ALOX15: variants seen among roughly 807,000 people sequenced by gnomAD.
ALOX15 encodes the protein polyunsaturated fatty acid lipoxygenase ALOX15.
In ALOX15, 68 loss-of-function variants were observed where a neutral mutation model predicts 71.7. The observed-to-expected ratio is 0.95, with a 90% CI of 0.78 to 1.16. The LOEUF (loss-of-function observed/expected upper bound fraction) is 1.16. Ranked by LOEUF, ALOX15 falls within the 50% of genes most tolerant of loss-of-function variation. The pLI, the probability that ALOX15 is intolerant of heterozygous loss-of-function variation, is 0.00. For missense variants in ALOX15, 798 were observed against 818.8 expected (o/e 0.97, Z 0.31); for synonymous variants, 346 against 333.3 (o/e 1.04, Z -0.42).
At chr17:4,635,078 C>A (rs1179275443) in intron 8 of ALOX15, among the ~76,000 whole-genome samples, 1 of 151,946 alleles carries the variant, frequency 6.6e-6, no homozygotes, top group African/African-American at 2.4e-5. Context: ...CCCTCCAGAG[C>A]CTGGTCTCCT....
intron 8 of ALOX15, among the ~76,000 whole-genome samples, chr17:4,633,820 T>A (rs1024180502): frequency 6.6e-6 from 1 of 152,172 alleles, no homozygotes; most frequent in Non-Finnish European, 1.5e-5. Context: ...GAAAATGTGG[T>A]AGACATATGC....
At chr17:4,639,245 T>C (rs1376816569) in intron 2 of ALOX15, 113 bp from the exon 3 acceptor site, 8 of 1,432,362 alleles carry the variant, frequency 5.6e-6, no homozygotes, top group Non-Finnish European at 7.8e-6. Context: ...CCCTTCAGCA[T>C]CACGCCCCTC....
chr17:4,635,183 C>A (rs1027027628), intron 8 of ALOX15, among the ~76,000 whole-genome samples: 2 of 151,872 alleles, frequency 1.3e-5, no homozygotes, highest in Non-Finnish European at 1.5e-5. Flanking sequence ...GTAATCCCAG[C>A]ACTTTGGGAG....
intron 6 of ALOX15, among the ~76,000 whole-genome samples, chr17:4,637,677 C>T (rs916161279): frequency 1.3e-5 from 2 of 152,178 alleles, no homozygotes; most frequent in Non-Finnish European, 2.9e-5. Context: ...TCCCAAAGTG[C>T]TGGGATTACA....
At chr17:4,636,691 T>C (rs2150536686) in intron 7 of ALOX15, among the ~76,000 whole-genome samples, 1 of 152,234 alleles carries the variant, frequency 6.6e-6, no homozygotes, top group Non-Finnish European at 1.5e-5. Context: ...GCTTCCCACC[T>C]CATACTCCTT....
intron 4 of ALOX15, 34 bp from the exon 5 acceptor site, chr17:4,638,718 T>C: frequency 6.2e-7 from 1 of 1,613,372 alleles, no homozygotes; most frequent in Non-Finnish European, 8.5e-7. Context: ...GGTTTGAGCA[T>C]CATTCTGAGG....
rs759860904 is a variant in ALOX15 at position 4,639,435 on chromosome 17, C to T, written c.332G>A (p.Gly111Asp). The T allele has an allele frequency of 2.5e-6, 4 of 1,613,504 alleles. No individual in the cohort carries two copies. The highest frequency in any genetic ancestry group is 2.5e-6 in the Non-Finnish European group (3 of 1,179,924). Residue 111 changes from glycine (G) to aspartate (D), a missense_variant, in exon 2 of 14, where the codon GGC becomes GAC. Gly to Asp is a moderately conservative substitution (Grantham distance 94, BLOSUM62 -1). Around this residue, in one of 3 missense-constraint regions of ALOX15, gnomAD observed 300 missense variants for 283.1 expected, o/e 1.06. Transcript: ENST00000293761. Reference sequence around the variant, plus strand: ...ACCCTCAGCCCCGCGCTTACCGGTGCCTTCAGGCAGGCTCAGGACGCCGTT... The same window carrying T: ...ACCCTCAGCCCCGCGCTTACCGGTGTCTTCAGGCAGGCTCAGGACGCCGTT... ...EGNGVLSLPE[G>D]TGRTVGEDPQ...
rs552591899 is a variant in ALOX15, at chr17:4,632,202, G to C, written c.1620C>G (p.His540Gln). The change falls in exon 12 of 14, where the codon CAC (histidine) becomes CAG (glutamine). Residue 540 changes from histidine to glutamine, a missense_variant. Physicochemically the swap from His to Gln is conservative, Grantham distance 24. Transcript: ENST00000293761. ...TMCIFTCTGQ[H>Q]ASVHLGQLDW... Reference sequence around the variant, plus strand: ...GTACCTGGCCCAGGTGCACAGAGGCGTGTTGGCCGGTGCAGGTGAAGATAC... The same window carrying C: ...GTACCTGGCCCAGGTGCACAGAGGCCTGTTGGCCGGTGCAGGTGAAGATAC... 1.2e-6 allele frequency: 2 copies of C among 1,614,212 alleles called. No individual in the cohort carries two copies. The highest frequency in any genetic ancestry group is 1.7e-6 in the Non-Finnish European group (2 of 1,180,050).
chr17:4,633,566 G>C, intron 8 of ALOX15, 66 bp from the exon 9 acceptor site: 2 of 1,395,666 alleles, frequency 1.4e-6, no homozygotes, highest in Non-Finnish European at 2.0e-6. Flanking sequence ...CAGGAAACAA[G>C]GGCTGACAGC....
intron 11 of ALOX15, 143 bp from the exon 12 acceptor site, chr17:4,632,424 G>T: frequency 1.4e-6 from 1 of 731,054 alleles, no homozygotes; most frequent in South Asian, 1.7e-5. Flanking sequence ...ATGACAGCAG[G>T]TTGGGGTGGG....
Position 4,638,958 on chromosome 17 carries a change from T to G in ALOX15, c.434A>C (p.Lys145Thr). Residue 145 changes from lysine to threonine, a missense_variant, in exon 4 of 14, where the codon AAG (lysine) becomes ACG (threonine). Around this residue, in one of 3 missense-constraint regions of ALOX15, gnomAD observed 300 missense variants for 283.1 expected, o/e 1.06. Transcript: ENST00000293761. The part of the protein sequence containing the change: ...RRKLYRWGNW[K>T]DGLILNMAGA... ...AGCCATATTCAGAATTAACCCGTCC[T>G]TCCAGTTTCCCCACCTGTGGGGCAG... The G allele has an allele frequency of 6.2e-7, 1 of 1,614,260 alleles. No individual in the cohort carries two copies. Among genetic ancestry groups the G allele is most frequent in the Non-Finnish European group, 8.5e-7 (1 of 1,180,050 alleles).
intron 1 of ALOX15, among the ~76,000 whole-genome samples, chr17:4,640,594 C>T (rs988371348): frequency 5.9e-5 from 8 of 134,740 alleles, no homozygotes; most frequent in Non-Finnish European, 1.2e-4. Flanking sequence ...CCCGTCCCCT[C>T]ACCATGGAGT....
chr17:4,632,717 T>G, intron 11 of ALOX15, 144 bp downstream of exon 11: 1 of 1,325,252 alleles, frequency 7.5e-7, no homozygotes, highest in South Asian at 1.4e-5. Flanking sequence ...TGTCTCTAGG[T>G]GACAGGGAGT....
In ALOX15 at chr17:4,638,866, C is replaced by T. The variant is rs769786656; in HGVS notation, c.526G>A (p.Val176Ile). 1.9e-6 allele frequency: 3 copies of T among 1,614,254 alleles called. No homozygotes were observed. Among genetic ancestry groups the T allele is most frequent in the Non-Finnish European group, 2.5e-6 (3 of 1,180,044 alleles). Residue 176 changes from valine (V) to isoleucine (I), a missense_variant, in exon 4 of 14, where the codon GTT becomes ATT. This residue lies in a region of ALOX15 where 300 missense variants were observed against 283.1 expected (regional missense o/e 1.06). Transcript: ENST00000293761. The part of the protein sequence containing the change: ...FLEDKRVDFE[V>I]SLAKGLADLA... ...TGCTCTCACCCCTTGGCCAGCGAAA[C>T]CTCAAAGTCAACTCTCTTGTCTTCC...
chr17:4,640,437 T>A (rs1490336708), intron 1 of ALOX15, among the ~76,000 whole-genome samples: 1 of 145,832 alleles, frequency 6.9e-6, no homozygotes, highest in African/African-American at 2.7e-5. Flanking sequence ...CAGAGCTGTG[T>A]GGAATGAGGG....
In ALOX15 at chr17:4,632,863, C is replaced by A; in HGVS notation, c.1538G>T (p.Arg513Leu). Residue 513 changes from arginine to leucine, a missense_variant and splice_region_variant, in exon 11 of 14, where the codon CGA becomes CTA. By Grantham distance (102) the Arg-to-Leu change is moderately radical (BLOSUM62 -2). This residue lies in a region of ALOX15 where 490 missense variants were observed against 509.4 expected (regional missense o/e 0.96). Coordinates refer to ENST00000293761, the MANE Select transcript of ALOX15 (RefSeq NM_001140.5). ...TEIGLQGAQDRGFPVSLQARD... is the reference protein window; with the variant it reads ...TEIGLQGAQDLGFPVSLQARD... ...CTCAGGGCAGGGGCTCCTCTTACCT[C>A]GGTCCTGGGCCCCTTGCAGCCCGAT... The A allele has an allele frequency of 6.2e-7, 1 of 1,614,104 alleles. No homozygotes were observed.
chr17:4,639,634 G>C lies in ALOX15; in HGVS notation c.136-3C>G. 2 of 1,608,080 alleles carry C rather than the reference G, an allele frequency of 1.2e-6. No individual in the cohort carries two copies. Among genetic ancestry groups the C allele is most frequent in the South Asian group, 2.2e-5 (2 of 90,428 alleles). The stretch of plus-strand genomic sequence containing the variant: ...ACTTCCACCTTGAGTTCTGTCTCCT[G>C]CGGGCGACAGAAGAGGCTCAGCCCC... On this transcript the variant is annotated splice_region_variant and splice_polypyrimidine_tract_variant and intron_variant, in intron 1 of 13. Coordinates refer to ENST00000293761, the MANE Select transcript of ALOX15 (RefSeq NM_001140.5).
intron 8 of ALOX15, among the ~76,000 whole-genome samples, chr17:4,635,307 G>A (rs987794093): frequency 2.0e-5 from 3 of 150,634 alleles, no homozygotes; most frequent in Admixed American, 1.3e-4. Context: ...GGTGGTGCGC[G>A]ACTGTAATCC....
Position 4,631,384 on chromosome 17 carries a change from T to C in ALOX15, c.*216A>G. ...AGAGGAAGAGAGAGAGGAAGGAAGA[T>C]AGGAAAGGAGGAAGGAAGGAAAGAG... On this transcript the variant is annotated 3_prime_UTR_variant, in exon 14 of 14. Coordinates refer to ENST00000293761, the MANE Select transcript of ALOX15 (RefSeq NM_001140.5). 3.5e-6 allele frequency: 2 copies of C among 566,880 alleles called. No individual in the cohort carries two copies. The highest frequency in any genetic ancestry group is 6.2e-6 in the Non-Finnish European group (2 of 323,420). 35.1% of individuals were successfully genotyped at this position (566,880 alleles called of 1,614,324 possible). A position where few individuals can be genotyped will look rare whatever the true frequency, so the allele number is the denominator to read the frequency against.
Sources: allele counts gnomAD v4.1 joint callset (sites outside exome capture counted in the v4.1 genomes callset), GRCh38; gene constraint gnomAD v4.1.1; regional missense constraint gnomAD v4.1.1; transcripts MANE v1.5; gene names NCBI Gene and HGNC (gene_info 2026-07-23, HGNC 2026-07-21).